Variants in CLASP1 observed in about 807,000 individuals in gnomAD.
CLASP1 encodes CLIP-associating protein 1.
In CLASP1, 38 loss-of-function variants were observed where a neutral mutation model predicts 192.3. The ratio of observed to expected loss-of-function variants is 0.20; its 90% CI spans 0.15 to 0.26. CLASP1 has a LOEUF of 0.26. CLASP1 is among the 10% of genes least tolerant of loss of function. CLASP1 has a pLI of 1.00. For missense variants in CLASP1, 1,433 were observed against 1,932.5 expected (o/e 0.74, Z 4.85); for synonymous variants, 691 against 712.8 (o/e 0.97, Z 0.49).
chr2:121,597,370 A>G (rs1423721353), intron 2 of CLASP1, among the ~76,000 whole-genome samples: 1 of 152,180 alleles, frequency 6.6e-6, no homozygotes, highest in East Asian at 1.9e-4. Context: ...ACAGGTCCAC[A>G]ATTGCTTATC....
chr2:121,390,977 T>A lies in CLASP1; in HGVS notation c.3124-3071A>T, dbSNP rs556766204. Among the ~76,000 whole-genome samples, 7 of 152,266 alleles carry A rather than the reference T, an allele frequency of 4.6e-5. No homozygotes were observed. In the South Asian group the frequency reaches 1.5e-3, roughly 32 times the overall value. ...GGGACTACAGGCGTGTGCCACTGTGTCGGCCTAATATCTTTCGTTTTTACT... is the reference window on the plus strand; with the variant it reads ...GGGACTACAGGCGTGTGCCACTGTGACGGCCTAATATCTTTCGTTTTTACT... On this transcript the variant is annotated intron_variant, in intron 30 of 39. Transcript: ENST00000263710.
intron 32 of CLASP1, among the ~76,000 whole-genome samples, chr2:121,384,940 C>T (rs2072858664): frequency 6.6e-6 from 1 of 151,898 alleles, no homozygotes; most frequent in African/African-American, 2.4e-5. Context: ...ATAGCTTTTC[C>T]CCTACAGAAT....
chr2:121,444,129 T>C (rs1196304858), intron 19 of CLASP1, among the ~76,000 whole-genome samples: 2 of 152,222 alleles, frequency 1.3e-5, no homozygotes, highest in Non-Finnish European at 2.9e-5. Context: ...TTGCCTTATA[T>C]GCACTTATCA....
At chr2:121,528,460 C>T (rs1025258154) in intron 4 of CLASP1, among the ~76,000 whole-genome samples, 1 of 152,194 alleles carries the variant, frequency 6.6e-6, no homozygotes, top group African/African-American at 2.4e-5. Flanking sequence ...TTCAATACCC[C>T]CATGTTAAAT....
chr2:121,601,939 C>A (rs1029744226), intron 2 of CLASP1, among the ~76,000 whole-genome samples: 2 of 152,174 alleles, frequency 1.3e-5, no homozygotes, highest in Admixed American at 1.3e-4. Flanking sequence ...CTTTGGGAGG[C>A]CAAGACGGGT....
chr2:121,437,194 C>T (rs1477596707), intron 19 of CLASP1, among the ~76,000 whole-genome samples: 1 of 152,060 alleles, frequency 6.6e-6, no homozygotes, highest in African/African-American at 2.4e-5. Context: ...AACTCCTGGG[C>T]TCAAGCAATC....
chr2:121,338,358 G>C (rs1253921635), exon 40 of CLASP1: 1 of 152,362 alleles, frequency 6.6e-6, no homozygotes, highest in Non-Finnish European at 1.5e-5. Context: ...CTGGCTGCAG[G>C]GGAGGCAGCA....
chr2:121,379,052 C>T (rs369723181), intron 33 of CLASP1, among the ~76,000 whole-genome samples: 1 of 151,318 alleles, frequency 6.6e-6, no homozygotes, highest in African/African-American at 2.4e-5. Context: ...TCTCTACTGG[C>T]TTGATGTAGC....
intron 37 of CLASP1, 141 bp downstream of exon 38, chr2:121,363,031 C>T: frequency 9.7e-7 from 1 of 1,028,132 alleles, no homozygotes; most frequent in South Asian, 1.7e-5. Context: ...GCAATGGGGA[C>T]TCCACTCTGT....
intron 2 of CLASP1, among the ~76,000 whole-genome samples, chr2:121,568,996 G>GTTT (rs2059749574): frequency 1.3e-5 from 2 of 152,158 alleles, no homozygotes; most frequent in Non-Finnish European, 2.9e-5. Context: ...TCTCAGGAAA[G>GTTT]CCATGTGCCT....
intron 2 of CLASP1, among the ~76,000 whole-genome samples, chr2:121,596,980 C>T (rs949962748): frequency 5.3e-5 from 8 of 152,146 alleles, no homozygotes; most frequent in African/African-American, 1.9e-4. Flanking sequence ...CGGAATGGGC[C>T]TTGAGACAAA....
In CLASP1 at chr2:121,461,199, A is replaced by G. The variant is rs546064364; in HGVS notation, c.940-6T>C. The G allele has an allele frequency of 1.1e-5, 17 of 1,508,172 alleles. No homozygotes were observed. In the East Asian group the frequency reaches 2.3e-4, roughly 20 times the overall value. The allele number at this position is 1,508,172 out of a possible 1,614,324, so 93.4% of individuals were successfully genotyped here. A position where few individuals can be genotyped will look rare whatever the true frequency, so the allele number is the denominator to read the frequency against. ...AGGTCTCGGCTGGAATAAATCTGTA[A>G]GCAAAATTAATTTACAATCAATATA... On this transcript the variant is annotated splice_region_variant and splice_polypyrimidine_tract_variant and intron_variant, in intron 10 of 39. Coordinates refer to ENST00000263710, the Ensembl canonical transcript of CLASP1.
chr2:121,439,083 A>T (rs2082809130), intron 19 of CLASP1, among the ~76,000 whole-genome samples: 1 of 150,590 alleles, frequency 6.6e-6, no homozygotes, highest in Non-Finnish European at 1.5e-5. Context: ...CCAGGAATTT[A>T]TCCATTTCTT....
intron 30 of CLASP1, among the ~76,000 whole-genome samples, chr2:121,392,564 CCA>C (rs987872662): frequency 2.0e-5 from 3 of 152,166 alleles, no homozygotes; most frequent in African/African-American, 4.8e-5. Context: ...GCATGCGCCA[CCA>C]TGCCCAGTTT....
Position 121,453,790 on chromosome 2 carries a change from A to G in CLASP1, c.1386-1941T>C, listed in dbSNP as rs193015372. Among the ~76,000 whole-genome samples, 294 of 152,356 alleles carry G rather than the reference A, an allele frequency of 1.9e-3. 2 individuals are homozygous for G. In the Middle Eastern group the frequency reaches 0.02, roughly 11 times the overall value. ...ATTCCACTATATATACGTTAATGTCAGAGTGTGTGTAATCCATTTGTTACC... is the reference window on the plus strand; with the variant it reads ...ATTCCACTATATATACGTTAATGTCGGAGTGTGTGTAATCCATTTGTTACC... On this transcript the variant is annotated intron_variant, in intron 14 of 39. Coordinates refer to ENST00000263710, the Ensembl canonical transcript of CLASP1.
At position 121,367,842 on chromosome 2, in the gene CLASP1, G is replaced by C. The variant is rs202127504; in HGVS notation, c.3643-11C>G. 5.6e-6 allele frequency: 9 copies of C among 1,611,534 alleles called. No homozygotes were observed. Among genetic ancestry groups the C allele is most frequent in the Non-Finnish European group, 5.9e-6 (7 of 1,179,416 alleles). On this transcript the variant is annotated splice_polypyrimidine_tract_variant and intron_variant, in intron 34 of 39. Coordinates refer to ENST00000263710, the Ensembl canonical transcript of CLASP1. ...CCCATCGCGGGACACCTGCAGCACA[G>C]CACACTGTCAGTTCCCTTCTGGGAC...
At position 121,626,580 on chromosome 2, in the gene CLASP1, C is replaced by G. The variant is rs554283838; in HGVS notation, c.-285-20400G>C. On this transcript the variant is annotated intron_variant, in intron 1 of 39. Transcript: ENST00000263710. Reference sequence around the variant, plus strand: ...ATGAAACAGAACCAGAATTTTGATTCCTTTTTTTTTGTTTTGTTTTGTTTT... The same window carrying G: ...ATGAAACAGAACCAGAATTTTGATTGCTTTTTTTTTGTTTTGTTTTGTTTT... 1.7e-4 allele frequency among the ~76,000 whole-genome samples: 24 copies of G among 137,470 alleles called. No homozygotes were observed. In the East Asian group the frequency reaches 5.0e-3, roughly 29 times the overall value. 90.2% of individuals were successfully genotyped at this position (137,470 alleles called of 152,430 possible).
rs184629295 is a variant in CLASP1 at position 121,644,716 on chromosome 2, G to A, written c.-286+4656C>T. On this transcript the variant is annotated intron_variant, in intron 1 of 39. Coordinates refer to ENST00000263710, the Ensembl canonical transcript of CLASP1. ...CTAGCACTTTGGTAGGCCAAGGCAG[G>A]AGGATCACTTGAGCCCAGCAGTTCG... Among the ~76,000 whole-genome samples, 50 of 152,196 alleles carry A rather than the reference G, an allele frequency of 3.3e-4. No individual in the cohort carries two copies. The East Asian group carries it at 7.7e-3, about 24-fold the overall frequency.
chr2:121,492,853 C>T (rs2093380114), intron 8 of CLASP1, among the ~76,000 whole-genome samples: 2 of 152,008 alleles, frequency 1.3e-5, no homozygotes, highest in Non-Finnish European at 2.9e-5. Flanking sequence ...GAACTGAAAA[C>T]AGGTGTTTAA....
Sources: gnomAD v4.1 joint callset for allele counts (sites outside exome capture counted in the v4.1 genomes callset) on GRCh38, gnomAD v4.1.1 for gene constraint, MANE v1.5 for transcripts, NCBI Gene and HGNC (gene_info 2026-07-23, HGNC 2026-07-21) for gene names.